GPR4: variants seen among roughly 807,000 people sequenced by gnomAD.
GPR4 encodes G protein-coupled receptor 4.
GPR4 carries 11 observed loss-of-function variants against 17.8 expected under a neutral mutation model. The ratio of observed to expected loss-of-function variants is 0.62; its 90% CI spans 0.39 to 1.02. The LOEUF is 1.02. Ranked by LOEUF, GPR4 falls within the 50% of genes least tolerant of loss-of-function variation. The pLI is 0.00. For synonymous variants in GPR4, 219 were observed against 222.8 expected (o/e 0.98, Z 0.15); for missense variants, 364 against 495.4 (o/e 0.73, Z 2.52).
chr19:45,597,902 C>A (rs73570943), intron 1 of GPR4, among the ~76,000 whole-genome samples: 13,096 of 152,180 alleles, frequency 0.086, 1,037 homozygotes, highest in East Asian at 0.24. Flanking sequence ...GGGTCCTCAG[C>A]GGCAGAGCTG....
chr19:45,590,916 G>A lies in GPR4; in HGVS notation c.951C>T (p.Ala317=). Residue 317 remains alanine, a synonymous_variant, in exon 2 of 2, where the codon GCC becomes GCT. Transcript: ENST00000323040. ...FLASDKPQEM[A]NASLTLETPL... ...GGGTCTCCAGGGTGAGCGAGGCATTGGCCATCTCCTGGGGCTTGTCGCTGG... is the reference window on the plus strand; with the variant it reads ...GGGTCTCCAGGGTGAGCGAGGCATTAGCCATCTCCTGGGGCTTGTCGCTGG... 1.2e-6 allele frequency: 2 copies of A among 1,614,156 alleles called. No individual in the cohort carries two copies. Among genetic ancestry groups the A allele is most frequent in the Non-Finnish European group, 1.7e-6 (2 of 1,180,030 alleles).
At chr19:45,596,649 A>G (rs368666950) in intron 1 of GPR4, among the ~76,000 whole-genome samples, 368 of 152,150 alleles carry the variant, frequency 2.4e-3, no homozygotes, top group African/African-American at 8.2e-3. Context: ...GGCTCAAGCC[A>G]TCCTCCCACC....
At chr19:45,593,893 T>G (rs928390603) in intron 1 of GPR4, among the ~76,000 whole-genome samples, 6 of 151,194 alleles carry the variant, frequency 4.0e-5, no homozygotes, top group African/African-American at 1.2e-4. Context: ...ATTTATTTAT[T>G]TTTTGAGACA....
intron 1 of GPR4, among the ~76,000 whole-genome samples, chr19:45,595,141 C>T (rs184164341): frequency 2.7e-5 from 4 of 148,172 alleles, no homozygotes; most frequent in South Asian, 2.1e-4. Context: ...CTAGGTGTGG[C>T]GGCACATGCC....
chr19:45,594,063 A>AATATAT (rs1186316579), intron 1 of GPR4, among the ~76,000 whole-genome samples: 15 of 36,240 alleles, frequency 4.1e-4, no homozygotes, highest in Non-Finnish European at 6.4e-4. Context: ...AAAAAAAAAA[A>AATATAT]ATATATATAT....
rs1376021436 is a variant in GPR4, at chr19:45,590,057, A to C, written c.*721T>G. On this transcript the variant is annotated 3_prime_UTR_variant, in exon 2 of 2. Transcript: ENST00000323040. ...GACTTGGAGATCGCTGTTTATCTAGAAACTTAGAATTGCGGTCTTATGTTC... is the reference window on the plus strand; with the variant it reads ...GACTTGGAGATCGCTGTTTATCTAGCAACTTAGAATTGCGGTCTTATGTTC... 2 of 152,150 alleles carry C rather than the reference A, an allele frequency of 1.3e-5. No individual in the cohort carries two copies. The highest frequency in any genetic ancestry group is 4.8e-5 in the African/African-American group (2 of 41,418). 9.4% of individuals were successfully genotyped at this position (152,150 alleles called of 1,614,324 possible). A position where few individuals can be genotyped will look rare whatever the true frequency, so the allele number is the denominator to read the frequency against.
intron 1 of GPR4, among the ~76,000 whole-genome samples, chr19:45,593,526 GA>G (rs149403242): frequency 3.2e-4 from 45 of 138,926 alleles, no homozygotes; most frequent in Admixed American, 2.0e-3. Flanking sequence ...AGAAAAAAAA[GA>G]AAAAAAAAAG....
In GPR4 at chr19:45,592,976, GAGCCTAGGAGTTCAAGACC is replaced by G. The variant is rs1970013920; in HGVS notation, c.-831-298_-831-280del. 2.6e-5 allele frequency among the ~76,000 whole-genome samples: 4 copies of G among 152,106 alleles called. No homozygotes were observed. In the South Asian group the frequency reaches 8.3e-4, roughly 32 times the overall value. On this transcript the variant is annotated intron_variant, in intron 1 of 1. Coordinates refer to ENST00000323040, the MANE Select transcript of GPR4 (RefSeq NM_005282.3). ...GGAGGCCGAGGTGGGAGGTTCGCTT[GAGCCTAGGAGTTCAAGACC>G]AGCCTGGGCAATGCAGTGAGACCCA...
chr19:45,595,831 G>A (rs1970052839), intron 1 of GPR4, among the ~76,000 whole-genome samples: 2 of 152,088 alleles, frequency 1.3e-5, no homozygotes, highest in Admixed American at 1.3e-4. Flanking sequence ...ACAAGGTGGG[G>A]GTGGAGAGGC....
intron 1 of GPR4, among the ~76,000 whole-genome samples, chr19:45,598,757 G>C (rs1036090336): frequency 6.6e-6 from 1 of 152,208 alleles, no homozygotes; most frequent in African/African-American, 2.4e-5. Context: ...CAGCAGCAAG[G>C]CAGTTGTCTA....
intron 1 of GPR4, among the ~76,000 whole-genome samples, chr19:45,596,169 A>G (rs941548475): frequency 1.4e-4 from 21 of 148,674 alleles, no homozygotes; most frequent in African/African-American, 4.0e-4. Flanking sequence ...CACTTCCCAT[A>G]TGGCAGCCAG....
intron 1 of GPR4, among the ~76,000 whole-genome samples, chr19:45,599,246 C>T (rs1970088459): frequency 2.0e-5 from 3 of 152,118 alleles, no homozygotes; most frequent in Admixed American, 2.0e-4. Flanking sequence ...CCGCATCCTG[C>T]CAGCCACCCC....
At position 45,595,275 on chromosome 19, in the gene GPR4, C is replaced by CTAAATAAA. The variant is rs72050823; in HGVS notation, c.-831-2586_-831-2579dup. ...TGGGCAACAAGAGCGAACTCCATCT[C>CTAAATAAA]TAAATAAATAAATAAATAAATAAAT... On this transcript the variant is annotated intron_variant, in intron 1 of 1. Coordinates refer to ENST00000323040, the MANE Select transcript of GPR4 (RefSeq NM_005282.3). Among the ~76,000 whole-genome samples the CTAAATAAA allele has an allele frequency of 1.4e-3, 197 of 138,352 alleles. 1 individual carries two copies. Among genetic ancestry groups the CTAAATAAA allele is most frequent in the South Asian group, 1.9e-3 (8 of 4,166 alleles). The allele number at this position is 138,352 out of a possible 152,430, so 90.8% of individuals were successfully genotyped here.
At chr19:45,599,213 C>A (rs1027856155) in intron 1 of GPR4, among the ~76,000 whole-genome samples, 1 of 152,076 alleles carries the variant, frequency 6.6e-6, no homozygotes, top group Admixed American at 6.6e-5. Flanking sequence ...ACCTGGCCCC[C>A]CCAACTTTAG....
intron 1 of GPR4, among the ~76,000 whole-genome samples, chr19:45,600,927 A>G (rs1419500105): frequency 6.6e-6 from 1 of 152,210 alleles, no homozygotes; most frequent in East Asian, 1.9e-4. Flanking sequence ...GTTCACATTC[A>G]AGGTACTTGA....
At position 45,591,411 on chromosome 19, in the gene GPR4, G is replaced by C. The variant is rs771453300; in HGVS notation, c.456C>G (p.Pro152=). ...WATELGANSA[P]LFHDELFRDR... Reference sequence around the variant, plus strand: ...CTCGGAAGAGCTCGTCATGGAACAGGGGCGCCGAGTTGGCGCCCAGCTCCG... The same window carrying C: ...CTCGGAAGAGCTCGTCATGGAACAGCGGCGCCGAGTTGGCGCCCAGCTCCG... The change falls in exon 2 of 2, where the codon CCC becomes CCG. Residue 152 remains proline, a synonymous_variant. Transcript: ENST00000323040. The surrounding 1 kb of genome is among the most constrained non-coding windows in gnomAD (Gnocchi z 7.6). 3 of 1,608,760 alleles carry C rather than the reference G, an allele frequency of 1.9e-6. No individual in the cohort carries two copies. Among genetic ancestry groups the C allele is most frequent in the Non-Finnish European group, 1.7e-6 (2 of 1,178,794 alleles).
rs913689492 is a variant in GPR4, at chr19:45,590,508, C to G, written c.*270G>C. ...TGAGCCACGACTGCACTACTGCACT[C>G]CAGCCTGGGCAACACAGTGAGACCC... On this transcript the variant is annotated 3_prime_UTR_variant, in exon 2 of 2. Transcript: ENST00000323040. 1.8e-5 allele frequency: 7 copies of G among 399,266 alleles called. No individual in the cohort carries two copies. The highest frequency in any genetic ancestry group is 1.0e-4 in the African/African-American group (5 of 49,040). 24.7% of individuals were successfully genotyped at this position (399,266 alleles called of 1,614,324 possible).
chr19:45,594,839 T>G (rs755218793), intron 1 of GPR4, among the ~76,000 whole-genome samples: 8 of 65,010 alleles, frequency 1.2e-4, no homozygotes, highest in Non-Finnish European at 1.9e-4. Context: ...AAAAATTAGC[T>G]GGGCGTGGTG....
chr19:45,596,748 T>A (rs540347829), intron 1 of GPR4, among the ~76,000 whole-genome samples: 1 of 152,064 alleles, frequency 6.6e-6, no homozygotes, highest in East Asian at 1.9e-4. Flanking sequence ...TTTCCCCATG[T>A]TGCCCAGGCC....
Sources: gnomAD v4.1 joint callset for allele counts (sites outside exome capture counted in the v4.1 genomes callset) on GRCh38, gnomAD v4.1.1 for gene constraint, Gnocchi (gnomAD v3.1) non-coding constraint, MANE v1.5 for transcripts, NCBI Gene and HGNC (gene_info 2026-07-23, HGNC 2026-07-21) for gene names.